Variants in ACTR3C observed in about 807,000 individuals in gnomAD.
The protein encoded by ACTR3C is actin-related protein 3C.
A neutral mutation model predicts 26.3 loss-of-function variants in ACTR3C; 18 were observed. That is an observed-to-expected ratio of 0.68 (90% CI 0.47 to 1.01). The LOEUF (loss-of-function observed/expected upper bound fraction) is 1.01. Among genes scored for constraint, ACTR3C ranks in the 50% least tolerant of loss-of-function variants. The probability of loss-of-function intolerance (pLI) is 0.00; values close to 1 mark genes in which losing one functional copy is unlikely to be tolerated. For synonymous variants in ACTR3C, 55 were observed against 94.5 expected (o/e 0.58, Z 2.42); for missense variants, 184 against 250.7 (o/e 0.73, Z 1.80).
chr7:149,943,875 C>T, the ACTR3C span, among the ~76,000 whole-genome samples: 1 of 144,252 alleles, frequency 6.9e-6, no homozygotes, highest in Non-Finnish European at 1.5e-5. Context: ...GCGGCCATCA[C>T]ATTAATTTTT....
chr7:149,881,888 A>G, the ACTR3C span: 1 of 153,138 alleles, frequency 6.5e-6, no homozygotes, highest in Non-Finnish European at 1.5e-5. Context: ...TACCCCCAAG[A>G]AGTCAAGGTC....
At chr7:150,091,183 ATCAGGGATGGC>A in the ACTR3C span, among the ~76,000 whole-genome samples, 1 of 141,270 alleles carries the variant, frequency 7.1e-6, no homozygotes, top group Non-Finnish European at 1.5e-5. Flanking sequence ...AGGGTGAAGC[ATCAGGGATGGC>A]TCACATGGGG....
chr7:150,140,890 T>C, the ACTR3C span, among the ~76,000 whole-genome samples: 1 of 152,232 alleles, frequency 6.6e-6, no homozygotes, highest in Non-Finnish European at 1.5e-5. Context: ...GCAAAGTTCT[T>C]GAAGGAAATT....
chr7:150,121,020 G>A, the ACTR3C span, among the ~76,000 whole-genome samples: 1 of 152,162 alleles, frequency 6.6e-6, no homozygotes. Flanking sequence ...AAAGGCCTTT[G>A]ATAAAATTCA....
chr7:150,127,717 TTAATA>T, the ACTR3C span, among the ~76,000 whole-genome samples: 1 of 152,130 alleles, frequency 6.6e-6, no homozygotes, highest in Non-Finnish European at 1.5e-5. Context: ...GCGACTTGTA[TTAATA>T]TGTTTTCAAT....
chr7:150,193,006 G>A, the ACTR3C span, among the ~76,000 whole-genome samples: 109 of 152,280 alleles, frequency 7.2e-4, no homozygotes, highest in South Asian at 3.9e-3. Context: ...ACTCTGATAT[G>A]AGGAGTCACC....
chr7:150,089,716 T>C, the ACTR3C span, among the ~76,000 whole-genome samples: 60,280 of 152,118 alleles, frequency 0.4, 13,186 homozygotes, highest in East Asian at 0.68. Context: ...CCATTTCTAC[T>C]TCTGACTATT....
the ACTR3C span, among the ~76,000 whole-genome samples, chr7:150,086,964 G>A: frequency 6.6e-6 from 1 of 152,152 alleles, no homozygotes; most frequent in Non-Finnish European, 1.5e-5. Context: ...AGACAAGAAA[G>A]TAGGCTCAAA....
chr7:150,186,325 A>T, the ACTR3C span, among the ~76,000 whole-genome samples: 1,954 of 152,236 alleles, frequency 0.013, 34 homozygotes, highest in African/African-American at 0.042. Context: ...TCCATTTTTT[A>T]AAAAAATTCA....
At chr7:150,277,567 T>G (rs182154978) in intron 6 of ACTR3C, among the ~76,000 whole-genome samples, 122 of 152,220 alleles carry the variant, frequency 8.0e-4, no homozygotes, top group African/African-American at 2.6e-3. Context: ...AACCTACAAA[T>G]GCAACTCAAC....
the ACTR3C span, among the ~76,000 whole-genome samples, chr7:150,112,560 C>A: frequency 6.6e-6 from 1 of 152,176 alleles, no homozygotes; most frequent in Non-Finnish European, 1.5e-5. Context: ...GCACTGTCAG[C>A]CCTCCTGGCT....
At chr7:150,238,514 C>G in the ACTR3C span, among the ~76,000 whole-genome samples, 1 of 131,974 alleles carries the variant, frequency 7.6e-6, no homozygotes, top group Admixed American at 7.5e-5. Flanking sequence ...CTATACACAA[C>G]TATTTTCAAA....
chr7:150,165,476 T>C, the ACTR3C span, among the ~76,000 whole-genome samples: 1 of 151,340 alleles, frequency 6.6e-6, no homozygotes, highest in Non-Finnish European at 1.5e-5. Context: ...TTTATGTACT[T>C]TCTTGGGGAG....
the ACTR3C span, among the ~76,000 whole-genome samples, chr7:149,961,951 G>GCTCACAGGAAGTGTTCA: frequency 6.6e-6 from 1 of 151,698 alleles, no homozygotes. Flanking sequence ...GGAAGTATGG[G>GCTCACAGGAAGTGTTCA]CTCACAGGAA....
At chr7:149,954,037 T>G in the ACTR3C span, among the ~76,000 whole-genome samples, 9,915 of 141,464 alleles carry the variant, frequency 0.07, 1,101 homozygotes, top group African/African-American at 0.24. Context: ...TAGAGACAAC[T>G]CTGTTTTTCC....
chr7:150,009,384 C>G, the ACTR3C span, among the ~76,000 whole-genome samples: 1 of 152,192 alleles, frequency 6.6e-6, no homozygotes, highest in African/African-American at 2.4e-5. Flanking sequence ...AGTGAACACC[C>G]GATGAAATTT....
At chr7:150,255,503 A>G (rs1413604631) in intron 6 of ACTR3C, among the ~76,000 whole-genome samples, 1 of 151,146 alleles carries the variant, frequency 6.6e-6, no homozygotes, top group Non-Finnish European at 1.5e-5. Context: ...ATAAACTGTC[A>G]GTCTTGGATC....
chr7:150,167,323 T>C, the ACTR3C span, among the ~76,000 whole-genome samples: 4 of 150,750 alleles, frequency 2.7e-5, 1 homozygote, highest in South Asian at 2.1e-4. Flanking sequence ...CTGCCAGATA[T>C]GCTATTTTTT....
the ACTR3C span, among the ~76,000 whole-genome samples, chr7:150,042,167 C>T: frequency 5.6e-4 from 18 of 31,884 alleles, no homozygotes; most frequent in African/African-American, 2.7e-3. Flanking sequence ...GGCTCTCAGT[C>T]CCTGCCTCGC....
Sources: gnomAD v4.1 joint callset for allele counts (sites outside exome capture counted in the v4.1 genomes callset) on GRCh38, gnomAD v4.1.1 for gene constraint, MANE v1.5 for transcripts, NCBI Gene and HGNC (gene_info 2026-07-23, HGNC 2026-07-21) for gene names.